PLA2R1: variants seen among roughly 807,000 people sequenced by gnomAD.
PLA2R1 encodes secretory phospholipase A2 receptor.
In PLA2R1, 158 loss-of-function variants were observed where a neutral mutation model predicts 195.9. The ratio of observed to expected loss-of-function variants is 0.81; its 90% CI spans 0.71 to 0.92. The LOEUF is 0.92. Among genes scored for constraint, PLA2R1 ranks in the 40% least tolerant of loss-of-function variants. PLA2R1 has a pLI of 0.00. For missense variants in PLA2R1, 1,626 were observed against 1,764.6 expected, an observed-to-expected ratio of 0.92 and a Z score of 1.41; for synonymous variants, 586 against 598.2, an observed-to-expected ratio of 0.98 and a Z score of 0.30.
chr2:159,973,328 T>C (rs1038142090), intron 17 of PLA2R1, among the ~76,000 whole-genome samples: 1 of 151,538 alleles, frequency 6.6e-6, no homozygotes, highest in Non-Finnish European at 1.5e-5. Context: ...AACAGCTTTC[T>C]TCTTTCTAAT....
At position 159,951,363 on chromosome 2, in the gene PLA2R1, A is replaced by G. The variant is rs749421118; in HGVS notation, c.3517T>C (p.Trp1173Arg). The G allele has an allele frequency of 3.7e-6, 6 of 1,608,016 alleles. No homozygotes were observed. The highest frequency in any genetic ancestry group is 5.1e-6 in the Non-Finnish European group (6 of 1,174,590). The change falls in exon 24 of 30, where the codon TGG (tryptophan) becomes CGG (arginine). Residue 1173 changes from tryptophan (W) to arginine (R), a missense_variant. Coordinates refer to ENST00000283243, the MANE Select transcript of PLA2R1 (RefSeq NM_007366.5). The stretch of plus-strand genomic sequence containing the variant: ...ACATCTGTGGTGAACAGTCCAATCC[A>G]GTGGGCATATCCTAGCCGGTTGAGG... The part of the protein sequence containing the change: ...VVLNRLGYAH[W>R]IGLFTTDNGL...
chr2:159,937,907 T>G lies in PLA2R1; in HGVS notation c.*3871A>C, dbSNP rs1481890357. 6.6e-6 allele frequency: 1 copy of G among 152,204 alleles called. No individual in the cohort carries two copies. Among genetic ancestry groups the G allele is most frequent in the Non-Finnish European group, 1.5e-5 (1 of 68,040 alleles). The allele number at this position is 152,204 out of a possible 1,614,324, so 9.4% of individuals were successfully genotyped here. On this transcript the variant is annotated 3_prime_UTR_variant, in exon 30 of 30. Transcript: ENST00000283243. The stretch of plus-strand genomic sequence containing the variant: ...TCACTGACATCAATACTTCGAATAT[T>G]TTTCTTTGGAGCCATGGAGGATTTT...
intron 10 of PLA2R1, among the ~76,000 whole-genome samples, chr2:160,011,726 G>A (rs747268611): frequency 1.5e-4 from 23 of 152,192 alleles, no homozygotes; most frequent in Non-Finnish European, 2.9e-4. Flanking sequence ...CTGACTGGGG[G>A]ACTTCCAACC....
intron 3 of PLA2R1, among the ~76,000 whole-genome samples, chr2:160,040,488 GA>G (rs1694459505): frequency 6.6e-6 from 1 of 152,154 alleles, no homozygotes; most frequent in Non-Finnish European, 1.5e-5. Context: ...GCTTGATGAT[GA>G]ATTATCTGCA....
intron 2 of PLA2R1, among the ~76,000 whole-genome samples, chr2:160,043,453 CAA>C (rs1694673433): frequency 1.3e-5 from 2 of 152,226 alleles, no homozygotes; most frequent in East Asian, 3.9e-4. Flanking sequence ...CTGGGGCTGC[CAA>C]TGGTATGTCC....
At chr2:160,035,947 C>T (rs1022172811) in intron 3 of PLA2R1, among the ~76,000 whole-genome samples, 3 of 152,146 alleles carry the variant, frequency 2.0e-5, no homozygotes, top group Non-Finnish European at 4.4e-5. Flanking sequence ...GTTCCCTCTC[C>T]GTGCTGATTT....
At chr2:160,011,848 C>T (rs1284066767) in intron 10 of PLA2R1, among the ~76,000 whole-genome samples, 1 of 152,124 alleles carries the variant, frequency 6.6e-6, no homozygotes, top group Non-Finnish European at 1.5e-5. Flanking sequence ...TGCTGAGATA[C>T]ATCAAAGGTA....
chr2:160,000,969 C>A (rs1691547166), intron 11 of PLA2R1, among the ~76,000 whole-genome samples: 1 of 151,884 alleles, frequency 6.6e-6, no homozygotes, highest in South Asian at 2.1e-4. Flanking sequence ...TGGGGAGAGG[C>A]AGTATTTGAA....
At chr2:159,962,678 T>C (rs1259805941) in intron 20 of PLA2R1, among the ~76,000 whole-genome samples, 1 of 152,144 alleles carries the variant, frequency 6.6e-6, no homozygotes, top group Non-Finnish European at 1.5e-5. Context: ...ATGTGGCACA[T>C]AAACACCATG....
chr2:160,007,097 G>C (rs760153755), intron 10 of PLA2R1, among the ~76,000 whole-genome samples: 4 of 152,156 alleles, frequency 2.6e-5, no homozygotes, highest in Admixed American at 1.3e-4. Context: ...TTTGAAACAA[G>C]AAAAGTTCTT....
In PLA2R1 at chr2:160,044,868, C is replaced by A. The variant is rs369614047; in HGVS notation, c.399G>T (p.Ala133=). 4 of 1,614,038 alleles carry A rather than the reference C, an allele frequency of 2.5e-6. No homozygotes were observed. Among genetic ancestry groups the A allele is most frequent in the South Asian group, 1.1e-5 (1 of 91,076 alleles). The part of the protein sequence containing the change: ...TGPLQYSVQV[A]HDNTVVASRK... Reference sequence around the variant, plus strand: ...GTGAGGCCACCACTGTGTTGTCATGCGCCACCTGGACAGAGTACTGCAGCG... The same window carrying A: ...GTGAGGCCACCACTGTGTTGTCATGAGCCACCTGGACAGAGTACTGCAGCG... The change falls in exon 2 of 30, where the codon GCG becomes GCT. Residue 133 remains alanine, a synonymous_variant. Coordinates refer to ENST00000283243, the MANE Select transcript of PLA2R1 (RefSeq NM_007366.5).
intron 11 of PLA2R1, among the ~76,000 whole-genome samples, chr2:159,992,303 A>C (rs1322874773): frequency 6.7e-6 from 1 of 149,052 alleles, no homozygotes; most frequent in Non-Finnish European, 1.5e-5. Context: ...CCCACTAAGC[A>C]ACTTCAGCAA....
At chr2:159,969,805 A>G (rs1689034218) in intron 18 of PLA2R1, among the ~76,000 whole-genome samples, 1 of 152,200 alleles carries the variant, frequency 6.6e-6, no homozygotes, top group Non-Finnish European at 1.5e-5. Flanking sequence ...GGCCTCCCAA[A>G]GTACTGGGAT....
intron 1 of PLA2R1, among the ~76,000 whole-genome samples, chr2:160,052,248 G>A (rs1695256204): frequency 6.6e-6 from 1 of 152,206 alleles, no homozygotes; most frequent in African/African-American, 2.4e-5. Flanking sequence ...CCACCGGACT[G>A]CAGTTCTGTG....
chr2:160,051,956 A>G (rs757497431), intron 1 of PLA2R1, among the ~76,000 whole-genome samples: 9 of 152,184 alleles, frequency 5.9e-5, no homozygotes, highest in Non-Finnish European at 1.0e-4. Flanking sequence ...CTAAAAAGTT[A>G]CCCAAGTACA....
At chr2:159,971,859 C>T (rs139316313) in intron 17 of PLA2R1, among the ~76,000 whole-genome samples, 287 of 152,246 alleles carry the variant, frequency 1.9e-3, no homozygotes, top group African/African-American at 6.1e-3. Flanking sequence ...AACAGCATGG[C>T]TATTTGTCAT....
chr2:159,983,438 A>C (rs1389484761), intron 13 of PLA2R1, among the ~76,000 whole-genome samples: 1 of 150,044 alleles, frequency 6.7e-6, no homozygotes, highest in Non-Finnish European at 1.5e-5. Context: ...AATTAAAAAA[A>C]AAATTACTGG....
intron 1 of PLA2R1, among the ~76,000 whole-genome samples, chr2:160,045,721 G>C (rs1167143027): frequency 6.6e-6 from 1 of 152,212 alleles, no homozygotes; most frequent in Admixed American, 6.5e-5. Flanking sequence ...TGTTTCTCAG[G>C]AGTACAAGGG....
chr2:160,057,457 C>A (rs540200115), intron 1 of PLA2R1, among the ~76,000 whole-genome samples: 2 of 152,222 alleles, frequency 1.3e-5, no homozygotes, highest in Admixed American at 6.5e-5. Flanking sequence ...GCTCACTGAA[C>A]TTTTACTGTT....
Sources: gnomAD v4.1 joint callset for allele counts (sites outside exome capture counted in the v4.1 genomes callset) on GRCh38, gnomAD v4.1.1 for gene constraint, MANE v1.5 for transcripts, NCBI Gene and HGNC (gene_info 2026-07-23, HGNC 2026-07-21) for gene names.